The following CLASP2 variants were observed in gnomAD, a reference collection of about 807,000 sequenced individuals.
CLASP2 encodes the protein CLIP-associating protein 2.
CLASP2 carries 47 observed loss-of-function variants against 194.4 expected under a neutral mutation model. The observed-to-expected ratio is 0.24, with a 90% CI of 0.19 to 0.31. The LOEUF (loss-of-function observed/expected upper bound fraction) is 0.31, where lower values mean the gene tolerates loss of function less well. Among genes scored for constraint, CLASP2 ranks in the 10% least tolerant of loss-of-function variants. The pLI, the probability that CLASP2 is intolerant of heterozygous loss-of-function variation, is 1.00. For missense variants in CLASP2, 1,445 were observed against 1,823.6 expected, an observed-to-expected ratio of 0.79 and a Z score of 3.78; for synonymous variants, 619 against 633.5, an observed-to-expected ratio of 0.98 and a Z score of 0.34.
chr3:33,513,368 G>A (rs777957127), intron 36 of CLASP2, among the ~76,000 whole-genome samples: 4 of 151,888 alleles, frequency 2.6e-5, no homozygotes, highest in Admixed American at 6.6e-5. Context: ...GCGAAACCCC[G>A]TTTCCACACA....
chr3:33,518,273 C>T (rs2051990791), intron 34 of CLASP2, among the ~76,000 whole-genome samples: 1 of 152,180 alleles, frequency 6.6e-6, no homozygotes, highest in Non-Finnish European at 1.5e-5. Context: ...CATGAAAAGT[C>T]ACTCACTGCT....
intron 27 of CLASP2, among the ~76,000 whole-genome samples, chr3:33,562,625 A>G (rs1258569432): frequency 6.6e-6 from 1 of 152,086 alleles, no homozygotes; most frequent in African/African-American, 2.4e-5. Flanking sequence ...CTCTCCCCCA[A>G]AGCTCATTTA....
intron 27 of CLASP2, among the ~76,000 whole-genome samples, chr3:33,566,289 T>C (rs2062726430): frequency 6.6e-6 from 1 of 152,210 alleles, no homozygotes; most frequent in Non-Finnish European, 1.5e-5. Flanking sequence ...ATGACATTAA[T>C]AAAATGTCAT....
chr3:33,573,657 C>A (rs990957377), intron 24 of CLASP2, among the ~76,000 whole-genome samples: 1 of 151,848 alleles, frequency 6.6e-6, no homozygotes, highest in East Asian at 1.9e-4. Context: ...CCCCTTTTCA[C>A]GAAAAACCAA....
intron 37 of CLASP2, among the ~76,000 whole-genome samples, chr3:33,507,200 G>A (rs2048505892): frequency 6.6e-6 from 1 of 152,114 alleles, no homozygotes; most frequent in South Asian, 2.1e-4. Flanking sequence ...GCTTCCCAGA[G>A]TGCTGGGATT....
chr3:33,534,668 C>T (rs1387433947), intron 34 of CLASP2, among the ~76,000 whole-genome samples: 1 of 152,148 alleles, frequency 6.6e-6, no homozygotes, highest in Non-Finnish European at 1.5e-5. Flanking sequence ...GTAGTATAAT[C>T]ATCATCATCC....
intron 2 of CLASP2, among the ~76,000 whole-genome samples, chr3:33,692,256 A>C (rs1365225421): frequency 6.6e-6 from 1 of 152,192 alleles, no homozygotes; most frequent in Non-Finnish European, 1.5e-5. Context: ...TTATAATTTG[A>C]GGTGTTTGAG....
intron 36 of CLASP2, chr3:33,514,672 G>C (rs989007146): frequency 2.9e-6 from 1 of 343,660 alleles, no homozygotes; most frequent in African/African-American, 2.1e-5. Flanking sequence ...CCACTATTGG[G>C]TATCTACCTA....
chr3:33,683,437 A>C (rs1003830998), intron 6 of CLASP2: 1 of 151,998 alleles, frequency 6.6e-6, no homozygotes, highest in Non-Finnish European at 1.5e-5. Context: ...GTGAAACCCT[A>C]TCTCTACAAA....
chr3:33,549,853 C>T (rs561950768), intron 30 of CLASP2, among the ~76,000 whole-genome samples: 3 of 151,716 alleles, frequency 2.0e-5, no homozygotes, highest in South Asian at 2.1e-4. Flanking sequence ...ATCCTTCCAC[C>T]TTAGCCTCCC....
At chr3:33,661,411 T>C (rs1289405582) in intron 7 of CLASP2, among the ~76,000 whole-genome samples, 7 of 152,158 alleles carry the variant, frequency 4.6e-5, no homozygotes, top group African/African-American at 1.2e-4. Context: ...TCTACAGAAG[T>C]AGTCCAGGCA....
chr3:33,578,074 TAGTA>T (rs1259620515), intron 23 of CLASP2, among the ~76,000 whole-genome samples: 12 of 152,230 alleles, frequency 7.9e-5, no homozygotes, highest in Admixed American at 2.6e-4. Context: ...GCCACACTAC[TAGTA>T]AGTGATACAT....
chr3:33,549,137 T>A (rs1370603822), intron 30 of CLASP2, among the ~76,000 whole-genome samples: 2 of 152,206 alleles, frequency 1.3e-5, no homozygotes, highest in Non-Finnish European at 2.9e-5. Flanking sequence ...TTTACCCTGA[T>A]ATGTTTAGCT....
At chr3:33,531,368 TCAAACATGGG>T (rs2056243263) in intron 34 of CLASP2, among the ~76,000 whole-genome samples, 1 of 152,090 alleles carries the variant, frequency 6.6e-6, no homozygotes, top group Admixed American at 6.6e-5. Flanking sequence ...ACAACCTGAT[TCAAACATGGG>T]CAAAGGAATA....
chr3:33,606,180 ATT>A (rs1303055342), intron 16 of CLASP2, among the ~76,000 whole-genome samples: 2 of 152,034 alleles, frequency 1.3e-5, no homozygotes, highest in Non-Finnish European at 2.9e-5. Flanking sequence ...GATTTCCTGA[ATT>A]TTTAAGCTGT....
Position 33,560,803 on chromosome 3 carries a change from A to G in CLASP2, c.2930+5T>C. The G allele has an allele frequency of 3.1e-6, 5 of 1,611,392 alleles. No individual in the cohort carries two copies. The highest frequency in any genetic ancestry group is 3.4e-6 in the Non-Finnish European group (4 of 1,178,920). On this transcript the variant is annotated splice_donor_5th_base_variant and intron_variant, in intron 28 of 38. Transcript: ENST00000682230. ...TTAACTTGAAATATATGAAAAAAAT[A>G]TTACCTTGTAACATCAAGGGCTTTC...
chr3:33,696,818 T>A (rs763733264), intron 2 of CLASP2, 37 bp downstream of exon 2: 2 of 1,298,196 alleles, frequency 1.5e-6, no homozygotes, highest in Admixed American at 4.1e-5. Flanking sequence ...TCATGTCAAA[T>A]CTTATTTAGA....
chr3:33,657,261 T>A (rs764099886), intron 7 of CLASP2, among the ~76,000 whole-genome samples: 11 of 152,146 alleles, frequency 7.2e-5, no homozygotes, highest in Non-Finnish European at 1.2e-4. Context: ...GGAGTATATA[T>A]CAAACTGTTA....
At chr3:33,713,345 T>C (rs1344497541) in intron 1 of CLASP2, among the ~76,000 whole-genome samples, 1 of 152,138 alleles carries the variant, frequency 6.6e-6, no homozygotes, top group Non-Finnish European at 1.5e-5. Flanking sequence ...ACTGCCCTAG[T>C]AAAATTTTTT....
Sources: gnomAD v4.1 joint callset for allele counts (sites outside exome capture counted in the v4.1 genomes callset) on GRCh38, gnomAD v4.1.1 for gene constraint, MANE v1.5 for transcripts, NCBI Gene and HGNC (gene_info 2026-07-23, HGNC 2026-07-21) for gene names.